Variants in PLPP1 observed in about 807,000 individuals in gnomAD.
The protein encoded by PLPP1 is phospholipid phosphatase 1.
PLPP1 carries 24 observed loss-of-function variants against 31.2 expected under a neutral mutation model. The ratio of observed to expected loss-of-function variants is 0.77; its 90% CI spans 0.56 to 1.08. The LOEUF (loss-of-function observed/expected upper bound fraction) is 1.08. Among genes scored for constraint, PLPP1 ranks in the 50% least tolerant of loss-of-function variants. PLPP1 has a pLI of 0.00. For synonymous variants in PLPP1, 146 were observed against 126.3 expected, an observed-to-expected ratio of 1.16 and a Z score of -1.05; for missense variants, 319 against 342.7, an observed-to-expected ratio of 0.93 and a Z score of 0.55.
chr5:55,468,820 C>A (rs1019051100), intron 2 of PLPP1, among the ~76,000 whole-genome samples: 9 of 151,968 alleles, frequency 5.9e-5, no homozygotes, highest in African/African-American at 1.2e-4. Context: ...TAAATAAATA[C>A]ATACATACAT....
intron 1 of PLPP1, among the ~76,000 whole-genome samples, chr5:55,503,521 A>C (rs1232781670): frequency 1.3e-5 from 2 of 151,884 alleles, no homozygotes; most frequent in Non-Finnish European, 2.9e-5. Flanking sequence ...CATGCCTGTA[A>C]TCTCAGCACT....
In PLPP1 at chr5:55,499,635, C is replaced by CA. The variant is rs1420443140; in HGVS notation, c.59-24186dup. On this transcript the variant is annotated intron_variant, in intron 1 of 5. Coordinates refer to ENST00000307259, the MANE Select transcript of PLPP1 (RefSeq NM_003711.4). ...TAACATTGTTGTTCATGGATGTGAA[C>CA]AACTCCATGAGTCCTCAGACTGTGA... is the stretch of plus-strand genomic sequence containing the variant. 4.6e-5 allele frequency among the ~76,000 whole-genome samples: 7 copies of CA among 152,126 alleles called. No individual in the cohort carries two copies. In the East Asian group the frequency reaches 1.4e-3, roughly 29 times the overall value.
intron 1 of PLPP1, among the ~76,000 whole-genome samples, chr5:55,520,842 T>C (rs1221601759): frequency 6.6e-6 from 1 of 152,238 alleles, no homozygotes; most frequent in Non-Finnish European, 1.5e-5. Context: ...TAGCCAAAAG[T>C]AATGTGCCCA....
intron 3 of PLPP1, among the ~76,000 whole-genome samples, chr5:55,442,118 T>G (rs915598426): frequency 6.6e-6 from 1 of 152,234 alleles, no homozygotes; most frequent in Non-Finnish European, 1.5e-5. Flanking sequence ...AGTATCATTT[T>G]ATTGAAACCT....
At chr5:55,481,082 C>T (rs534833412) in intron 1 of PLPP1, among the ~76,000 whole-genome samples, 1 of 152,328 alleles carries the variant, frequency 6.6e-6, no homozygotes, top group African/African-American at 2.4e-5. Context: ...ACCACAAGAA[C>T]ACTTCGCCGT....
chr5:55,425,505 A>G (rs1751159114), intron 5 of PLPP1, 171 bp from the exon 6 acceptor site: 1 of 602,496 alleles, frequency 1.7e-6, no homozygotes, highest in African/African-American at 1.9e-5. Context: ...AGATTATTCC[A>G]AATTAAGAGT....
chr5:55,427,057 AATG>A (rs1751217515), intron 4 of PLPP1, among the ~76,000 whole-genome samples: 1 of 149,316 alleles, frequency 6.7e-6, no homozygotes, highest in South Asian at 2.2e-4. Context: ...TTTATGTAGA[AATG>A]ATTCTTTTTA....
At chr5:55,457,208 T>C (rs1192831077) in intron 3 of PLPP1, among the ~76,000 whole-genome samples, 1 of 151,656 alleles carries the variant, frequency 6.6e-6, no homozygotes, top group Non-Finnish European at 1.5e-5. Flanking sequence ...TTTCAACATA[T>C]ATAGCTCTTC....
At chr5:55,527,832 A>G (rs1029243304) in intron 1 of PLPP1, among the ~76,000 whole-genome samples, 1 of 108,880 alleles carries the variant, frequency 9.2e-6, no homozygotes, top group African/African-American at 3.0e-5. Flanking sequence ...ATTGAATACA[A>G]GTTGTGAACT....
At chr5:55,471,782 C>T (rs897436280) in intron 2 of PLPP1, among the ~76,000 whole-genome samples, 2 of 152,008 alleles carry the variant, frequency 1.3e-5, no homozygotes, top group African/African-American at 2.4e-5. Context: ...CCGAGCATTG[C>T]CTGAAAGAGG....
intron 1 of PLPP1, among the ~76,000 whole-genome samples, chr5:55,524,234 CACACTA>C (rs1160934463): frequency 6.6e-6 from 1 of 152,168 alleles, no homozygotes; most frequent in African/African-American, 2.4e-5. Flanking sequence ...ACACATAAAA[CACACTA>C]ACACTAACAA....
chr5:55,462,900 G>A (rs1212500431), intron 3 of PLPP1, among the ~76,000 whole-genome samples: 2 of 151,964 alleles, frequency 1.3e-5, no homozygotes, highest in African/African-American at 4.8e-5. Context: ...GTGAACCCGG[G>A]AGGCGAAGCT....
At chr5:55,530,576 C>T in intron 1 of PLPP1, 2 of 1,316,192 alleles carry the variant, frequency 1.5e-6, no homozygotes, top group Non-Finnish European at 2.2e-6. Flanking sequence ...CCTGATACTT[C>T]TTACAAGATT....
At chr5:55,501,761 C>T (rs1334045321) in intron 1 of PLPP1, among the ~76,000 whole-genome samples, 1 of 152,216 alleles carries the variant, frequency 6.6e-6, no homozygotes, top group Non-Finnish European at 1.5e-5. Context: ...CCCTCAGCCT[C>T]CCAAAGTGCT....
At chr5:55,464,291 T>C (rs570815744) in intron 3 of PLPP1, among the ~76,000 whole-genome samples, 20 of 151,518 alleles carry the variant, frequency 1.3e-4, no homozygotes, top group Admixed American at 1.1e-3. Context: ...GCTGGCATGA[T>C]CTGGGCTAAC....
At chr5:55,462,972 C>CA (rs35024647) in intron 3 of PLPP1, among the ~76,000 whole-genome samples, 16,739 of 141,192 alleles carry the variant, frequency 0.12, 1,260 homozygotes, top group African/African-American at 0.23. Flanking sequence ...GACTCCATCT[C>CA]AAAAAAAAAA....
intron 3 of PLPP1, among the ~76,000 whole-genome samples, chr5:55,443,192 A>AAAAAAAAAAAATATATAT: frequency 1.5e-3 from 38 of 25,402 alleles, no homozygotes; most frequent in Non-Finnish European, 1.6e-3. Context: ...AAAAAAAAAA[A>AAAAAAAAAAAATATATAT]ATATATATAT....
chr5:55,490,925 C>A (rs747244923), intron 1 of PLPP1: 2 of 1,583,152 alleles, frequency 1.3e-6, no homozygotes, highest in Non-Finnish European at 8.6e-7. Flanking sequence ...TCCAGCACAA[C>A]AAACCCATCA....
chr5:55,503,702 C>A (rs576389238), intron 1 of PLPP1, among the ~76,000 whole-genome samples: 23 of 150,396 alleles, frequency 1.5e-4, no homozygotes, highest in African/African-American at 5.4e-4. Flanking sequence ...TTGCTTGAAC[C>A]CAGGAGGTGG....
Sources: gnomAD v4.1 joint callset for allele counts (sites outside exome capture counted in the v4.1 genomes callset) on GRCh38, gnomAD v4.1.1 for gene constraint, MANE v1.5 for transcripts, NCBI Gene and HGNC (gene_info 2026-07-23, HGNC 2026-07-21) for gene names.